DACH2: variants seen among roughly 807,000 people sequenced by gnomAD.
The protein encoded by DACH2 is dachshund homolog 2.
DACH2 carries 17 observed loss-of-function variants against 35.8 expected under a neutral mutation model. That is an observed-to-expected ratio of 0.48 (90% CI 0.33 to 0.71). The LOEUF is 0.71. Ranked by LOEUF, DACH2 falls within the 30% of genes least tolerant of loss-of-function variation. The pLI is 0.02. For synonymous variants in DACH2, 195 were observed against 177.3 expected (o/e 1.10, Z -0.79); for missense variants, 469 against 472.7 (o/e 0.99, Z 0.07).
intron 4 of DACH2, among the ~76,000 whole-genome samples, chrX:86,681,915 T>G (rs1057088781): frequency 9.0e-6 from 1 of 110,745 alleles, no homozygotes; most frequent in East Asian, 2.9e-4. Flanking sequence ...TTCCCACTCT[T>G]TTCTCTTCAG....
chrX:86,405,830 C>G (rs1047063862), intron 2 of DACH2, among the ~76,000 whole-genome samples: 1 of 111,809 alleles, frequency 8.9e-6, no homozygotes, highest in Non-Finnish European at 1.9e-5. Context: ...AATTGATTCA[C>G]AGTTCCAGAG....
At chrX:86,466,921 C>T (rs181172588) in intron 2 of DACH2, among the ~76,000 whole-genome samples, 74 of 111,241 alleles carry the variant, frequency 6.7e-4, no homozygotes, top group African/African-American at 2.2e-3. Context: ...AGCACAGGGA[C>T]CCTGGACCTG....
chrX:86,433,345 G>C (rs1277615701), intron 2 of DACH2, among the ~76,000 whole-genome samples: 2 of 111,549 alleles, frequency 1.8e-5, no homozygotes. Flanking sequence ...AATATGTAAA[G>C]CTAACACATA....
chrX:86,752,063 C>T (rs920377009), intron 7 of DACH2, among the ~76,000 whole-genome samples: 1 of 110,959 alleles, frequency 9.0e-6, no homozygotes, highest in Non-Finnish European at 1.9e-5. Flanking sequence ...AAGATGGGAA[C>T]CGAGGGACAG....
In DACH2 at chrX:86,477,905, TAAC is replaced by T. The variant is rs1036489094; in HGVS notation, c.528-36370_528-36368del. Among the ~76,000 whole-genome samples the T allele has an allele frequency of 1.5e-3, 172 of 111,315 alleles. 1 individual carries two copies. The highest frequency in any genetic ancestry group is 5.3e-3 in the African/African-American group (162 of 30,672). ...TTTGTAGCCCATTATTTTAAGCTGA[TAAC>T]AACTTAATACTGTTTGCTTAAACAA... On this transcript the variant is annotated intron_variant, in intron 2 of 11. Transcript: ENST00000373125.
chrX:86,701,594 T>C (rs1490240920), intron 5 of DACH2, among the ~76,000 whole-genome samples: 1 of 111,618 alleles, frequency 9.0e-6, no homozygotes, highest in East Asian at 2.8e-4. Flanking sequence ...GATGACATAA[T>C]TCTACATCAT....
At chrX:86,162,885 GTTTATT>G (rs1264456816) in intron 1 of DACH2, among the ~76,000 whole-genome samples, 2 of 110,572 alleles carry the variant, frequency 1.8e-5, no homozygotes, top group Non-Finnish European at 3.8e-5. Context: ...TTAGGTAAAA[GTTTATT>G]TTTAAGTTAT....
rs971406765 is a variant in DACH2, at chrX:86,287,069, G to A, written c.489-89755G>A. ...TGTCACTTATAATAGGTCTAGGTCT[G>A]GTGTTGATGATATCCCTCAGCTTTT... On this transcript the variant is annotated intron_variant, in intron 1 of 11. Coordinates refer to ENST00000373125, the MANE Select transcript of DACH2 (RefSeq NM_053281.3). Among the ~76,000 whole-genome samples the A allele has an allele frequency of 1.2e-4, 13 of 111,254 alleles. 1 individual carries two copies. Among genetic ancestry groups the A allele is most frequent in the Admixed American group, 2.9e-4 (3 of 10,408 alleles).
At chrX:86,257,760 A>G (rs1195862837) in intron 1 of DACH2, among the ~76,000 whole-genome samples, 4 of 112,432 alleles carry the variant, frequency 3.6e-5, no homozygotes, top group African/African-American at 1.3e-4. Context: ...ATGCCTGATT[A>G]TTGCAGTCTA....
intron 3 of DACH2, among the ~76,000 whole-genome samples, chrX:86,575,039 G>A (rs1011811491): frequency 1.8e-5 from 2 of 111,180 alleles, no homozygotes; most frequent in East Asian, 5.7e-4. Context: ...ATGAGAGATG[G>A]GTGAAAAATA....
chrX:86,194,282 AAGAAAC>A (rs2031915013), intron 1 of DACH2, among the ~76,000 whole-genome samples: 1 of 111,934 alleles, frequency 8.9e-6, no homozygotes, highest in Non-Finnish European at 1.9e-5. Context: ...ATTCTTCATG[AAGAAAC>A]TTATATACTC....
chrX:86,397,394 C>T (rs1222761474), intron 2 of DACH2, among the ~76,000 whole-genome samples: 1 of 111,301 alleles, frequency 9.0e-6, no homozygotes, highest in Non-Finnish European at 1.9e-5. Flanking sequence ...TCTTCTCTTG[C>T]CTAATTGCCC....
chrX:86,246,757 A>AAAGC (rs1164307394), intron 1 of DACH2, among the ~76,000 whole-genome samples: 1 of 111,990 alleles, frequency 8.9e-6, no homozygotes, highest in African/African-American at 3.2e-5. Flanking sequence ...TTGACAATAC[A>AAAGC]AAGCAATTAT....
chrX:86,437,692 A>T (rs2037090231), intron 2 of DACH2, among the ~76,000 whole-genome samples: 1 of 111,378 alleles, frequency 9.0e-6, no homozygotes, highest in Non-Finnish European at 1.9e-5. Flanking sequence ...ATTGATAGAC[A>T]GGTCAATTCC....
chrX:86,404,214 A>G (rs1349250480), intron 2 of DACH2, among the ~76,000 whole-genome samples: 3 of 110,858 alleles, frequency 2.7e-5, no homozygotes, highest in Non-Finnish European at 5.7e-5. Flanking sequence ...AAACACAATC[A>G]TGCCCTTCCA....
intron 3 of DACH2, among the ~76,000 whole-genome samples, chrX:86,639,812 T>C (rs7064590): frequency 0.23 from 25,362 of 110,478 alleles, 2,694 homozygotes; most frequent in East Asian, 0.48. Flanking sequence ...GAAGGGATCC[T>C]CAAGCATAGC....
At chrX:86,198,330 C>G (rs1236131639) in intron 1 of DACH2, among the ~76,000 whole-genome samples, 2 of 111,486 alleles carry the variant, frequency 1.8e-5, no homozygotes, top group Non-Finnish European at 3.8e-5. Context: ...CTCAATGTAA[C>G]AACCTAACAT....
intron 1 of DACH2, among the ~76,000 whole-genome samples, chrX:86,318,817 A>C (rs1357753182): frequency 1.8e-5 from 2 of 111,821 alleles, no homozygotes; most frequent in Non-Finnish European, 3.8e-5. Context: ...AAAGATGTTC[A>C]AAATTTAAAA....
At chrX:86,753,160 A>G (rs771206051) in intron 7 of DACH2, among the ~76,000 whole-genome samples, 38 of 110,990 alleles carry the variant, frequency 3.4e-4, no homozygotes, top group Admixed American at 8.7e-4. Context: ...CACTCCGGTT[A>G]CTTCCAGTCT....
Sources: allele counts gnomAD v4.1 joint callset (sites outside exome capture counted in the v4.1 genomes callset), GRCh38; gene constraint gnomAD v4.1.1; transcripts MANE v1.5; gene names NCBI Gene and HGNC (gene_info 2026-07-23, HGNC 2026-07-21).